The following KLF9 variants were observed in gnomAD, a reference collection of about 807,000 sequenced individuals.
The protein encoded by KLF9 is KLF transcription factor 9.
Under a neutral mutation model 17.3 loss-of-function variants are expected in KLF9, and 2 were observed. That is an observed-to-expected ratio of 0.12 (90% CI 0.05 to 0.36). The LOEUF (loss-of-function observed/expected upper bound fraction) is 0.36, where lower values mean the gene tolerates loss of function less well. Among genes scored for constraint, KLF9 ranks in the 10% least tolerant of loss-of-function variants. KLF9 has a pLI of 1.00. For missense variants in KLF9, 226 were observed against 333.2 expected, an observed-to-expected ratio of 0.68 and a Z score of 2.51; for synonymous variants, 138 against 139.2, an observed-to-expected ratio of 0.99 and a Z score of 0.06.
intron 1 of KLF9, among the ~76,000 whole-genome samples, chr9:70,388,549 G>T (rs1264174820): frequency 6.6e-6 from 1 of 152,170 alleles, no homozygotes; most frequent in East Asian, 1.9e-4. Context: ...TACCCTATGG[G>T]TCCCCTGGAA....
intron 1 of KLF9, among the ~76,000 whole-genome samples, chr9:70,409,029 T>TATATGTGTATATATATATAC (rs1564089118): frequency 2.6e-4 from 34 of 133,008 alleles, no homozygotes; most frequent in African/African-American, 9.4e-4. Context: ...TATGTATATA[T>TATATGTGTATATATATATAC]ATATATGTGT....
rs2037367584 is a variant in KLF9 at position 70,414,536 on chromosome 9, C to T, written c.-1173G>A. Reference sequence around the variant, plus strand: ...GGACACATCTTTGTATTTTGTGTTGCTGGTAGTAAATTTGAGTTATGGATG... The same window carrying T: ...GGACACATCTTTGTATTTTGTGTTGTTGGTAGTAAATTTGAGTTATGGATG... On this transcript the variant is annotated 5_prime_UTR_variant, in exon 1 of 2. Transcript: ENST00000377126. The T allele has an allele frequency of 6.6e-6, 1 of 152,080 alleles. No homozygotes were observed. Among genetic ancestry groups the T allele is most frequent in the South Asian group, 2.1e-4 (1 of 4,826 alleles). The allele number at this position is 152,080 out of a possible 1,614,324, so 9.4% of individuals were successfully genotyped here.
At position 70,413,387 on chromosome 9, in the gene KLF9, C is replaced by T. The variant is rs776054134; in HGVS notation, c.-24G>A. The T allele has an allele frequency of 3.4e-6, 5 of 1,470,684 alleles. No individual in the cohort carries two copies. Among genetic ancestry groups the T allele is most frequent in the Admixed American group, 2.4e-5 (1 of 42,404 alleles). The allele number at this position is 1,470,684 out of a possible 1,614,324, so 91.1% of individuals were successfully genotyped here. A position where few individuals can be genotyped will look rare whatever the true frequency, so the allele number is the denominator to read the frequency against. ...ATGGTGCGGGCGACGGCAGCCCAGG[C>T]GGCGCGGACAAACTTGGCGGTGGCT... On this transcript the variant is annotated 5_prime_UTR_variant, in exon 1 of 2. Coordinates refer to ENST00000377126, the MANE Select transcript of KLF9 (RefSeq NM_001206.4). This position sits in a 1 kb window ranked among gnomAD's most constrained non-coding sequence, Gnocchi z 5.6.
intron 1 of KLF9, among the ~76,000 whole-genome samples, chr9:70,396,863 A>G (rs1469682915): frequency 1.3e-5 from 2 of 152,124 alleles, no homozygotes; most frequent in African/African-American, 4.8e-5. Context: ...AGTTTAAACC[A>G]TTCCACAAAT....
chr9:70,408,030 G>A (rs892028289), intron 1 of KLF9, among the ~76,000 whole-genome samples: 7 of 152,124 alleles, frequency 4.6e-5, no homozygotes, highest in Non-Finnish European at 8.8e-5. Flanking sequence ...TGTCGCCTTC[G>A]GAATGGGGCA....
At position 70,387,930 on chromosome 9, in the gene KLF9, T is replaced by C; in HGVS notation, c.581A>G (p.Tyr194Cys). ...CTGCTTTTCCCCAGTGTGGGTCCGG[T>C]AGTGGCGGGTCAGCTCGTCTGAGCG... ...FSRSDELTRH[Y>C]RTHTGEKQFR... The change falls in exon 2 of 2, where the codon TAC becomes TGC. Residue 194 changes from tyrosine to cysteine, a missense_variant. Tyr to Cys is a radical substitution (Grantham distance 194, BLOSUM62 -2). Coordinates refer to ENST00000377126, the MANE Select transcript of KLF9 (RefSeq NM_001206.4). 6.2e-7 allele frequency: 1 copy of C among 1,613,714 alleles called. No individual in the cohort carries two copies. Among genetic ancestry groups the C allele is most frequent in the Non-Finnish European group, 8.5e-7 (1 of 1,179,924 alleles).
intron 1 of KLF9, among the ~76,000 whole-genome samples, chr9:70,398,679 A>G (rs926955731): frequency 6.6e-6 from 1 of 151,824 alleles, no homozygotes; most frequent in African/African-American, 2.4e-5. Flanking sequence ...TTTAGTAGAG[A>G]CAGGTTTTCA....
chr9:70,389,449 G>A (rs1434604349), intron 1 of KLF9, among the ~76,000 whole-genome samples: 1 of 152,154 alleles, frequency 6.6e-6, no homozygotes, highest in Non-Finnish European at 1.5e-5. Context: ...GTAATGAACT[G>A]GCCCTGTCTA....
chr9:70,409,183 T>TAC lies in KLF9; in HGVS notation c.505+3674_505+3675dup, dbSNP rs1398172670. 3.2e-5 allele frequency among the ~76,000 whole-genome samples: 2 copies of TAC among 63,096 alleles called. 1 individual carries two copies. The highest frequency in any genetic ancestry group is 8.8e-5 in the Non-Finnish European group (2 of 22,752). The allele number at this position is 63,096 out of a possible 152,430, so 41.4% of individuals were successfully genotyped here. On this transcript the variant is annotated intron_variant, in intron 1 of 1. Transcript: ENST00000377126. ...ATACACATATATGTATATATATGTA[T>TAC]ACATATACATGTATATGTATATATA...
intron 1 of KLF9, among the ~76,000 whole-genome samples, chr9:70,393,507 C>T (rs1000152466): frequency 1.3e-5 from 2 of 152,168 alleles, no homozygotes; most frequent in Non-Finnish European, 1.5e-5. Context: ...GGAGGCCTGC[C>T]ATCTGAATGT....
intron 1 of KLF9, among the ~76,000 whole-genome samples, chr9:70,397,412 T>C (rs1276115540): frequency 6.6e-6 from 1 of 151,648 alleles, no homozygotes; most frequent in African/African-American, 2.4e-5. Context: ...GAGGTGGAGG[T>C]TGCAGTGAGC....
chr9:70,407,254 A>G (rs1180380412), intron 1 of KLF9, among the ~76,000 whole-genome samples: 1 of 152,244 alleles, frequency 6.6e-6, no homozygotes, highest in Non-Finnish European at 1.5e-5. Flanking sequence ...CAATTGAGAC[A>G]GGAATGTAAA....
intron 1 of KLF9, among the ~76,000 whole-genome samples, chr9:70,392,196 C>T (rs1175235389): frequency 6.6e-6 from 1 of 152,216 alleles, no homozygotes; most frequent in Non-Finnish European, 1.5e-5. Flanking sequence ...AGTAAATAAA[C>T]AAATAACAGA....
At chr9:70,391,527 A>G (rs556054945) in intron 1 of KLF9, among the ~76,000 whole-genome samples, 11 of 152,332 alleles carry the variant, frequency 7.2e-5, no homozygotes, top group Non-Finnish European at 1.3e-4. Flanking sequence ...AAGAGCAAAT[A>G]GAAGCTTCGT....
intron 1 of KLF9, among the ~76,000 whole-genome samples, chr9:70,390,317 A>C (rs1321394347): frequency 2.0e-5 from 3 of 152,064 alleles, no homozygotes; most frequent in Admixed American, 6.5e-5. Flanking sequence ...CAAACCAATG[A>C]ATGCTGGGCC....
At chr9:70,388,489 T>C (rs1302312611) in intron 1 of KLF9, among the ~76,000 whole-genome samples, 1 of 152,182 alleles carries the variant, frequency 6.6e-6, no homozygotes, top group Non-Finnish European at 1.5e-5. Flanking sequence ...CCCAAACTAA[T>C]ACAATGAGAA....
At position 70,394,755 on chromosome 9, in the gene KLF9, T is replaced by C. The variant is rs371651942; in HGVS notation, c.506-6750A>G. 3.4e-4 allele frequency among the ~76,000 whole-genome samples: 52 copies of C among 152,336 alleles called. No homozygotes were observed. In the South Asian group the frequency reaches 8.7e-3, roughly 25 times the overall value. Reference sequence around the variant, plus strand: ...GTACAAAAGAGCACTGGCTTTCTTATATGCCAGCCATAACCAGTCAGAATA... The same window carrying C: ...GTACAAAAGAGCACTGGCTTTCTTACATGCCAGCCATAACCAGTCAGAATA... On this transcript the variant is annotated intron_variant, in intron 1 of 1. Transcript: ENST00000377126.
intron 1 of KLF9, among the ~76,000 whole-genome samples, chr9:70,408,478 A>C (rs1331093095): frequency 1.3e-5 from 2 of 152,168 alleles, no homozygotes; most frequent in African/African-American, 2.4e-5. Context: ...GGATCCAGGT[A>C]CAGGGCTTCC....
In KLF9 at chr9:70,413,287, T is replaced by C. The variant is rs1425597751; in HGVS notation, c.77A>G (p.Glu26Gly). 2 of 1,612,130 alleles carry C rather than the reference T, an allele frequency of 1.2e-6. No homozygotes were observed. Among genetic ancestry groups the C allele is most frequent in the Non-Finnish European group, 1.7e-6 (2 of 1,179,540 alleles). Residue 26 changes from glutamate (E) to glycine (G), a missense_variant, in exon 1 of 2, where the codon GAG becomes GGG. Coordinates refer to ENST00000377126, the MANE Select transcript of KLF9 (RefSeq NM_001206.4). This position sits in a 1 kb window ranked among gnomAD's most constrained non-coding sequence, Gnocchi z 5.6. ...VSISNRAAVP[E>G]HGVAPDAERL... ...CTCGGCGTCCGGAGCGACCCCATGCTCCGGCACCGCAGCGCGGTTCGAAAT... is the reference window on the plus strand; with the variant it reads ...CTCGGCGTCCGGAGCGACCCCATGCCCCGGCACCGCAGCGCGGTTCGAAAT...
Sources: allele counts gnomAD v4.1 joint callset (sites outside exome capture counted in the v4.1 genomes callset), GRCh38; gene constraint gnomAD v4.1.1; non-coding constraint Gnocchi (gnomAD v3.1); transcripts MANE v1.5; gene names NCBI Gene and HGNC (gene_info 2026-07-23, HGNC 2026-07-21).